MTA3: variants seen among roughly 807,000 people sequenced by gnomAD.
MTA3 encodes the protein metastasis associated 1 family member 3, also known as metastasis-associated protein MTA3.
Under a neutral mutation model 83.5 loss-of-function variants are expected in MTA3, and 34 were observed. The ratio of observed to expected loss-of-function variants is 0.41; its 90% confidence interval spans 0.31 to 0.54. The LOEUF is 0.54. Among genes scored for constraint, MTA3 ranks in the 20% least tolerant of loss-of-function variants. MTA3 has a pLI of 0.33. For missense variants in MTA3, 761 were observed against 726.4 expected (o/e 1.05, Z -0.55); for synonymous variants, 303 against 252.7 (o/e 1.20, Z -1.89).
chr2:42,567,987 A>G (rs1488028015), upstream of MTA3: 1 of 152,328 alleles, frequency 6.6e-6, no homozygotes, highest in Admixed American at 6.5e-5. Context: ...GTAAACGATG[A>G]CGCAGTTAGG....
At chr2:42,514,146 G>T (rs13400247) in intron 2 of MTA3, among the ~76,000 whole-genome samples, 66,617 of 151,836 alleles carry the variant, frequency 0.44, 14,909 homozygotes, top group Middle Eastern at 0.54. Flanking sequence ...CTGGGAGGCA[G>T]AAGTTGGAGT....
chr2:42,751,820 C>T (rs1287849635), intron 16 of MTA3, among the ~76,000 whole-genome samples: 1 of 152,210 alleles, frequency 6.6e-6, no homozygotes, highest in Non-Finnish European at 1.5e-5. Context: ...AGAGCTCCTG[C>T]TCCACTAAAT....
chr2:42,628,791 G>A (rs527393695), intron 4 of MTA3, among the ~76,000 whole-genome samples: 3 of 116,854 alleles, frequency 2.6e-5, no homozygotes, highest in Admixed American at 1.8e-4. Flanking sequence ...TTTTTTTTTG[G>A]TTTATGTTTT....
intron 2 of MTA3, among the ~76,000 whole-genome samples, chr2:42,525,825 T>C (rs1302388653): frequency 1.3e-5 from 2 of 151,632 alleles, no homozygotes; most frequent in South Asian, 2.1e-4. Context: ...GCCTGGCTAA[T>C]TTTTTGTATT....
chr2:42,723,114 A>G (rs1667547995), intron 16 of MTA3, 79 bp downstream of exon 16: 5 of 1,423,518 alleles, frequency 3.5e-6, no homozygotes, highest in Admixed American at 2.2e-5. Context: ...ACATCCAAAA[A>G]TATATTATAA....
intron 16 of MTA3, among the ~76,000 whole-genome samples, chr2:42,724,183 A>G (rs1260685405): frequency 6.6e-6 from 1 of 151,684 alleles, no homozygotes; most frequent in African/African-American, 2.4e-5. Flanking sequence ...TCAGGCTTGA[A>G]TGTAATCTAG....
intron 2 of MTA3, among the ~76,000 whole-genome samples, chr2:42,577,101 A>ATATAT (rs1160807071): frequency 2.7e-5 from 2 of 72,734 alleles, no homozygotes; most frequent in African/African-American, 1.3e-4. Context: ...TAAAAAAAAA[A>ATATAT]AAAAATATAT....
chr2:42,574,974 G>T (rs527495508), intron 2 of MTA3, among the ~76,000 whole-genome samples: 1 of 152,300 alleles, frequency 6.6e-6, no homozygotes, highest in African/African-American at 2.4e-5. Flanking sequence ...TTGATGTAAG[G>T]TATAAGAATT....
intron 2 of MTA3, among the ~76,000 whole-genome samples, chr2:42,508,586 G>A (rs1674747744): frequency 1.3e-5 from 2 of 151,760 alleles, no homozygotes; most frequent in Admixed American, 6.6e-5. Context: ...TCCCGCCTCA[G>A]GCTCCCAAAG....
chr2:42,517,613 A>G (rs959008692), intron 2 of MTA3, among the ~76,000 whole-genome samples: 5 of 149,844 alleles, frequency 3.3e-5, no homozygotes, highest in African/African-American at 9.9e-5. Context: ...ATGGTGGCTC[A>G]TGCCTGTAAT....
rs529390275 is a variant in MTA3, at chr2:42,559,006, A to G, written c.-140-11431A>G. Among the ~76,000 whole-genome samples, 6 of 152,230 alleles carry G rather than the reference A, an allele frequency of 3.9e-5. No homozygotes were observed. The South Asian group carries it at 1.2e-3, about 32-fold the overall frequency. Reference sequence around the variant, plus strand: ...TCAATGTTGGCTTGCCCCAGGGCTCAGGCCTCTGCCCTCCTCTCCACCCAC... The same window carrying G: ...TCAATGTTGGCTTGCCCCAGGGCTCGGGCCTCTGCCCTCCTCTCCACCCAC... On this transcript the variant is annotated intron_variant, in intron 2 of 17. Transcript: ENST00000405592.
At chr2:42,649,561 T>C (rs1411486341) in intron 6 of MTA3, among the ~76,000 whole-genome samples, 1 of 152,198 alleles carries the variant, frequency 6.6e-6, no homozygotes, top group Non-Finnish European at 1.5e-5. Flanking sequence ...AGAGTGAAAA[T>C]TGTGTCAGTT....
At chr2:42,722,687 C>T (rs990439937) in intron 15 of MTA3, among the ~76,000 whole-genome samples, 1 of 152,030 alleles carries the variant, frequency 6.6e-6, no homozygotes, top group South Asian at 2.1e-4. Flanking sequence ...CTCCAGCCAG[C>T]AGGGAAAAAA....
At chr2:42,505,081 T>A (rs992303872) in intron 2 of MTA3, among the ~76,000 whole-genome samples, 9 of 152,000 alleles carry the variant, frequency 5.9e-5, no homozygotes, top group South Asian at 2.1e-4. Context: ...ATTTTGCAGA[T>A]GAAGAAATGA....
rs754640177 is a variant in MTA3 at position 42,738,765 on chromosome 2, C to T, written c.1760-14609C>T. The stretch of plus-strand genomic sequence containing the variant: ...TGGAACGTCCCTGAGAAAGAGAATG[C>T]GCACGTAGGGGTAGCTCTCTGAACT... On this transcript the variant is annotated intron_variant, in intron 16 of 16. Coordinates refer to ENST00000405094, the MANE Select transcript of MTA3 (RefSeq NM_001330442.2). Among the ~76,000 whole-genome samples, 8 of 152,270 alleles carry T rather than the reference C, an allele frequency of 5.3e-5. No individual in the cohort carries two copies. In the East Asian group the frequency reaches 9.7e-4, roughly 18 times the overall value.
At chr2:42,737,405 G>C (rs949513857) in intron 16 of MTA3, among the ~76,000 whole-genome samples, 1 of 152,116 alleles carries the variant, frequency 6.6e-6, no homozygotes, top group African/African-American at 2.4e-5. Context: ...ACTGTGTCAG[G>C]GCAGCACTGG....
intron 16 of MTA3, among the ~76,000 whole-genome samples, chr2:42,748,427 A>T (rs1669613124): frequency 6.6e-6 from 1 of 152,122 alleles, no homozygotes; most frequent in South Asian, 2.1e-4. Flanking sequence ...ATTTTGGATG[A>T]TTTTTAGAGT....
intron 2 of MTA3, among the ~76,000 whole-genome samples, chr2:42,558,471 A>G (rs1447422943): frequency 1.3e-5 from 2 of 151,756 alleles, no homozygotes; most frequent in Non-Finnish European, 2.9e-5. Context: ...GCTGGTCTTG[A>G]ACTCCCGACC....
chr2:42,622,028 C>G (rs1446530561), intron 4 of MTA3, among the ~76,000 whole-genome samples: 1 of 152,194 alleles, frequency 6.6e-6, no homozygotes, highest in Non-Finnish European at 1.5e-5. Context: ...GCTGCAGTCT[C>G]GGCACTTTGG....
Sources: gnomAD v4.1 joint callset for allele counts (sites outside exome capture counted in the v4.1 genomes callset) on GRCh38, gnomAD v4.1.1 for gene constraint, MANE v1.5 for transcripts, NCBI Gene and HGNC (gene_info 2026-07-23, HGNC 2026-07-21) for gene names.